Variants in DAPK1 observed in about 807,000 individuals in gnomAD.
DAPK1 encodes the protein death associated protein kinase 1, also known as death-associated protein kinase 1.
Under a neutral mutation model 144.9 loss-of-function variants are expected in DAPK1, and 56 were observed. The observed-to-expected ratio is 0.39, with a 90% CI of 0.31 to 0.48. The LOEUF (loss-of-function observed/expected upper bound fraction) is 0.48. Ranked by LOEUF, DAPK1 falls within the 20% of genes least tolerant of loss-of-function variation. The pLI, the probability that DAPK1 is intolerant of heterozygous loss-of-function variation, is 0.95. For synonymous variants in DAPK1, 690 were observed against 749.0 expected (o/e 0.92, Z 1.29); for missense variants, 1,454 against 1,875.4 (o/e 0.78, Z 4.15).
chr9:87,524,755 T>C (rs1287465263), intron 2 of DAPK1, among the ~76,000 whole-genome samples: 1 of 152,184 alleles, frequency 6.6e-6, no homozygotes, highest in African/African-American at 2.4e-5. Context: ...CCGATGAGAT[T>C]GGAGACAATG....
intron 2 of DAPK1, among the ~76,000 whole-genome samples, chr9:87,559,826 G>C (rs1826841947): frequency 6.6e-6 from 1 of 151,990 alleles, no homozygotes; most frequent in African/African-American, 2.4e-5. Context: ...CTGCCCCAGT[G>C]AGTGACCCAG....
At chr9:87,555,316 C>T (rs6560001) in intron 2 of DAPK1, among the ~76,000 whole-genome samples, 134,646 of 152,180 alleles carry the variant, frequency 0.88, 59,809 homozygotes, top group African/African-American at 0.96. Context: ...GTCTTGACCT[C>T]TTAAGCAACA....
At chr9:87,564,060 A>G (rs1033653511) in intron 2 of DAPK1, among the ~76,000 whole-genome samples, 1 of 151,972 alleles carries the variant, frequency 6.6e-6, no homozygotes, top group Non-Finnish European at 1.5e-5. Flanking sequence ...TATATTCAAA[A>G]CCCAGGTGCT....
chr9:87,503,257 G>A (rs1011544216), intron 2 of DAPK1, among the ~76,000 whole-genome samples: 5 of 151,594 alleles, frequency 3.3e-5, no homozygotes, highest in South Asian at 2.1e-4. Context: ...ATGTGTGTGT[G>A]TATATGTATA....
rs145693732 is a variant in DAPK1, at chr9:87,621,460, A to G, written c.284+16285A>G. On this transcript the variant is annotated intron_variant, in intron 3 of 25. Coordinates refer to ENST00000408954, the MANE Select transcript of DAPK1 (RefSeq NM_004938.4). ...TTCCTCCATTCCTGTAGCCATCTGC[A>G]GTAAGCATTTCTGCATCTTCCAGCC... Among the ~76,000 whole-genome samples, 187 of 152,358 alleles carry G rather than the reference A, an allele frequency of 1.2e-3. 1 individual carries two copies. The highest frequency in any genetic ancestry group is 4.3e-3 in the African/African-American group (177 of 41,586).
chr9:87,668,872 C>T (rs778167140), intron 19 of DAPK1, 198 bp downstream of exon 19: 2 of 559,634 alleles, frequency 3.6e-6, no homozygotes, highest in Non-Finnish European at 6.4e-6. Flanking sequence ...TCTATTTGGA[C>T]TTGGAAATCA....
intron 3 of DAPK1, among the ~76,000 whole-genome samples, chr9:87,635,642 G>A (rs1195717375): frequency 1.3e-5 from 2 of 152,152 alleles, no homozygotes; most frequent in African/African-American, 4.8e-5. Context: ...AACAACACTC[G>A]TTCCCGCAAG....
chr9:87,706,106 C>A lies in DAPK1; in HGVS notation c.3061-26C>A. On this transcript the variant is annotated intron_variant, in intron 25 of 25. Coordinates refer to ENST00000408954, the MANE Select transcript of DAPK1 (RefSeq NM_004938.4). This position sits in a 1 kb window ranked among gnomAD's most constrained non-coding sequence, Gnocchi z 9.0. ...ACCTGGCCAGGGCTCTGTCCCTAAG[C>A]GTGACTTTCTGTTGTCCCCCCGCAG... The A allele has an allele frequency of 6.4e-7, 1 of 1,554,264 alleles. No homozygotes were observed. Among genetic ancestry groups the A allele is most frequent in the South Asian group, 1.2e-5 (1 of 82,834 alleles).
At chr9:87,616,929 A>G (rs1361624118) in intron 3 of DAPK1, among the ~76,000 whole-genome samples, 1 of 152,210 alleles carries the variant, frequency 6.6e-6, no homozygotes, top group Non-Finnish European at 1.5e-5. Flanking sequence ...CAGCCTCCCT[A>G]AACCCAGAAG....
chr9:87,542,225 C>T (rs531517458), intron 2 of DAPK1, among the ~76,000 whole-genome samples: 3 of 152,258 alleles, frequency 2.0e-5, no homozygotes, highest in African/African-American at 7.2e-5. Flanking sequence ...TGGGAAATTC[C>T]GTATGAACAA....
chr9:87,531,570 T>A (rs950021254), intron 2 of DAPK1, among the ~76,000 whole-genome samples: 2 of 152,132 alleles, frequency 1.3e-5, no homozygotes, highest in Non-Finnish European at 2.9e-5. Context: ...AATATTGACC[T>A]GAGGATGAGT....
At chr9:87,654,302 TAAA>T (rs1830558958) in intron 17 of DAPK1, among the ~76,000 whole-genome samples, 2 of 152,210 alleles carry the variant, frequency 1.3e-5, no homozygotes, top group African/African-American at 4.8e-5. Context: ...ACGATTATGC[TAAA>T]AATGAAGTCC....
chr9:87,699,654 TTATC>T (rs1183092630), intron 23 of DAPK1, among the ~76,000 whole-genome samples: 1 of 152,214 alleles, frequency 6.6e-6, no homozygotes, highest in African/African-American at 2.4e-5. Context: ...CTTGAGACAT[TTATC>T]TATTGTCTTG....
chr9:87,619,890 G>A (rs539227300), intron 3 of DAPK1, among the ~76,000 whole-genome samples: 2 of 152,282 alleles, frequency 1.3e-5, no homozygotes, highest in East Asian at 3.9e-4. Flanking sequence ...TGCAAAGAAG[G>A]AAAGAAAGCC....
At chr9:87,622,803 C>G (rs1163750067) in intron 3 of DAPK1, among the ~76,000 whole-genome samples, 2 of 151,882 alleles carry the variant, frequency 1.3e-5, no homozygotes, top group African/African-American at 4.8e-5. Context: ...CCCAGCTACT[C>G]GGGAGGTTGA....
chr9:87,633,159 G>A (rs773091729), intron 3 of DAPK1: 131 of 982,434 alleles, frequency 1.3e-4, no homozygotes, highest in Non-Finnish European at 1.4e-4. Flanking sequence ...AGGAGGATGA[G>A]TATATATGTA....
chr9:87,650,862 C>A (rs1830419927), intron 16 of DAPK1, among the ~76,000 whole-genome samples: 2 of 152,166 alleles, frequency 1.3e-5, no homozygotes, highest in African/African-American at 4.8e-5. Flanking sequence ...CACAGAGCAG[C>A]CCCCTCGACA....
At chr9:87,524,033 C>T (rs1318870835) in intron 2 of DAPK1, among the ~76,000 whole-genome samples, 1 of 152,210 alleles carries the variant, frequency 6.6e-6, no homozygotes, top group Non-Finnish European at 1.5e-5. Flanking sequence ...TCTGCAGTAT[C>T]TCTACTCAGC....
intron 3 of DAPK1, among the ~76,000 whole-genome samples, chr9:87,625,589 G>T (rs1357246840): frequency 6.6e-6 from 1 of 152,132 alleles, no homozygotes; most frequent in Non-Finnish European, 1.5e-5. Context: ...CAGGGTCTTG[G>T]GTAGGCACAG....
Sources: gnomAD v4.1 joint callset for allele counts (sites outside exome capture counted in the v4.1 genomes callset) on GRCh38, gnomAD v4.1.1 for gene constraint, Gnocchi (gnomAD v3.1) non-coding constraint, MANE v1.5 for transcripts, NCBI Gene and HGNC (gene_info 2026-07-23, HGNC 2026-07-21) for gene names.